ARMC9: variants seen among roughly 807,000 people sequenced by gnomAD.
ARMC9 encodes armadillo repeat containing 9, also known as lisH domain-containing protein ARMC9.
In ARMC9, 94 loss-of-function variants were observed where a neutral mutation model predicts 107.0. The observed-to-expected ratio is 0.88, with a 90% CI of 0.74 to 1.04. The LOEUF is 1.04. Ranked by LOEUF, ARMC9 falls within the 50% of genes least tolerant of loss-of-function variation. ARMC9 has a pLI of 0.00. For missense variants in ARMC9, 942 were observed against 1,030.1 expected (o/e 0.91, Z 1.17); for synonymous variants, 380 against 396.9 (o/e 0.96, Z 0.51).
intron 20 of ARMC9, among the ~76,000 whole-genome samples, chr2:231,337,824 T>C (rs1270326104): frequency 6.6e-6 from 1 of 152,222 alleles, no homozygotes; most frequent in Non-Finnish European, 1.5e-5. Flanking sequence ...CATTTGTTTC[T>C]TATTCTTTTT....
At chr2:231,257,526 C>T (rs981658970) in intron 10 of ARMC9, among the ~76,000 whole-genome samples, 9 of 152,182 alleles carry the variant, frequency 5.9e-5, no homozygotes, top group African/African-American at 2.2e-4. Flanking sequence ...TCAGCCCTGC[C>T]TGAGTCTGAC....
At chr2:231,212,799 G>T (rs747840191) in intron 3 of ARMC9, among the ~76,000 whole-genome samples, 21 of 152,306 alleles carry the variant, frequency 1.4e-4, no homozygotes, top group Middle Eastern at 3.4e-3. Context: ...ACCCACAGGC[G>T]CTAACACACT....
intron 12 of ARMC9, among the ~76,000 whole-genome samples, chr2:231,263,846 CT>C (rs1268717813): frequency 6.6e-6 from 1 of 152,184 alleles, no homozygotes; most frequent in Non-Finnish European, 1.5e-5. Context: ...CATGAAGCAG[CT>C]GAATAATGTA....
At chr2:231,272,909 A>G (rs1394916885) in intron 13 of ARMC9, 46 bp from the exon 14 acceptor site, 1 of 1,597,702 alleles carries the variant, frequency 6.3e-7, no homozygotes, top group East Asian at 2.2e-5. Flanking sequence ...CATACCAGAT[A>G]AATTATTTCT....
At chr2:231,366,639 G>T (rs1033149673) in intron 23 of ARMC9, among the ~76,000 whole-genome samples, 1 of 151,896 alleles carries the variant, frequency 6.6e-6, no homozygotes, top group Non-Finnish European at 1.5e-5. Flanking sequence ...TCAGGAGATC[G>T]AGACCATCCT....
intron 1 of ARMC9, among the ~76,000 whole-genome samples, chr2:231,201,546 C>T (rs2030977685): frequency 6.6e-6 from 1 of 152,228 alleles, no homozygotes; most frequent in South Asian, 2.1e-4. Flanking sequence ...CCTTCAAAGT[C>T]TTGCCTTCAG....
rs546022629 is a variant in ARMC9, at chr2:231,253,973, AAGAT to A, written c.880-2610_880-2607del. ...GAAGAACAAAAAGGAGGTGAAGAAA[AAGAT>A]AGGGAGGAAGCAAGACTTACTGATG... On this transcript the variant is annotated intron_variant, in intron 9 of 24. Transcript: ENST00000611582. 1.2e-3 allele frequency among the ~76,000 whole-genome samples: 177 copies of A among 152,266 alleles called. 1 individual carries two copies. The highest frequency in any genetic ancestry group is 2.0e-3 in the Non-Finnish European group (138 of 68,016).
intron 23 of ARMC9, among the ~76,000 whole-genome samples, chr2:231,369,328 TG>T (rs1284001330): frequency 1.3e-5 from 2 of 152,110 alleles, no homozygotes; most frequent in African/African-American, 2.4e-5. Flanking sequence ...AGTCTCACTC[TG>T]TCACCCAGGC....
intron 19 of ARMC9, among the ~76,000 whole-genome samples, chr2:231,329,909 C>T (rs2043607387): frequency 6.6e-6 from 1 of 152,064 alleles, no homozygotes; most frequent in South Asian, 2.1e-4. Flanking sequence ...GTTTTTCTTC[C>T]TTTTCTCATC....
chr2:231,228,390 A>G (rs1040545501), intron 7 of ARMC9, among the ~76,000 whole-genome samples: 1 of 152,188 alleles, frequency 6.6e-6, no homozygotes, highest in East Asian at 1.9e-4. Context: ...GGCCAACTCC[A>G]AGGCACTCAC....
chr2:231,296,168 A>G (rs754254601), intron 18 of ARMC9, 30 bp from the exon 19 acceptor site: 90 of 1,566,804 alleles, frequency 5.7e-5, no homozygotes, highest in Admixed American at 3.4e-4. Context: ...CTGTTTATCC[A>G]TTATTCATTG....
At chr2:231,300,284 C>T (rs987328504) in intron 19 of ARMC9, among the ~76,000 whole-genome samples, 9 of 152,216 alleles carry the variant, frequency 5.9e-5, no homozygotes, top group Non-Finnish European at 1.2e-4. Flanking sequence ...CAGCAATTTC[C>T]TTCTATACAA....
intron 19 of ARMC9, among the ~76,000 whole-genome samples, chr2:231,296,988 G>T (rs988528761): frequency 2.0e-5 from 3 of 152,158 alleles, no homozygotes; most frequent in Non-Finnish European, 4.4e-5. Flanking sequence ...CATCTATTTT[G>T]GGGGGAGCAT....
chr2:231,312,213 G>T (rs543466650), intron 19 of ARMC9, among the ~76,000 whole-genome samples: 2 of 152,338 alleles, frequency 1.3e-5, no homozygotes, highest in African/African-American at 4.8e-5. Flanking sequence ...TTGGCAGTTG[G>T]TGCAGGCTGC....
At chr2:231,231,115 A>C (rs934267604) in intron 7 of ARMC9, among the ~76,000 whole-genome samples, 4 of 152,154 alleles carry the variant, frequency 2.6e-5, no homozygotes, top group Non-Finnish European at 4.4e-5. Context: ...TGCAGAATGA[A>C]CTTCCGGGGG....
chr2:231,254,690 GA>G (rs1199884102), intron 9 of ARMC9, among the ~76,000 whole-genome samples: 3 of 149,510 alleles, frequency 2.0e-5, no homozygotes, highest in Non-Finnish European at 4.5e-5. Flanking sequence ...GAAAAAAATT[GA>G]AAAAAATTTA....
chr2:231,366,874 G>A (rs879261085), intron 23 of ARMC9, among the ~76,000 whole-genome samples: 6 of 149,796 alleles, frequency 4.0e-5, no homozygotes, highest in South Asian at 2.1e-4. Flanking sequence ...TTTTTGAGAC[G>A]GAGTCTCGCT....
chr2:231,286,879 C>T (rs897899997), intron 17 of ARMC9, among the ~76,000 whole-genome samples: 30 of 152,256 alleles, frequency 2.0e-4, no homozygotes, highest in African/African-American at 7.0e-4. Context: ...ATAAATGAAT[C>T]CCCTGAGGCC....
intron 19 of ARMC9, among the ~76,000 whole-genome samples, chr2:231,296,861 T>C (rs1301234713): frequency 1.3e-5 from 2 of 152,240 alleles, no homozygotes; most frequent in African/African-American, 4.8e-5. Flanking sequence ...AGATTTTACA[T>C]GGTTTTCCTT....
Sources: allele counts gnomAD v4.1 joint callset (sites outside exome capture counted in the v4.1 genomes callset), GRCh38; gene constraint gnomAD v4.1.1; transcripts MANE v1.5; gene names NCBI Gene and HGNC (gene_info 2026-07-23, HGNC 2026-07-21).